Variants in TSPAN9 observed in about 807,000 individuals in gnomAD.
The protein encoded by TSPAN9 is tetraspanin-9.
In TSPAN9, 16 loss-of-function variants were observed where a neutral mutation model predicts 31.0. The ratio of observed to expected loss-of-function variants is 0.52; its 90% CI spans 0.35 to 0.78. The LOEUF (loss-of-function observed/expected upper bound fraction) is 0.78. TSPAN9 is among the 30% of genes least tolerant of loss of function. The pLI is 0.01. For missense variants in TSPAN9, 272 were observed against 312.5 expected, an observed-to-expected ratio of 0.87 and a Z score of 0.98; for synonymous variants, 145 against 121.6, an observed-to-expected ratio of 1.19 and a Z score of -1.27.
At chr12:3,079,753 T>C (rs2098296873) in intron 1 of TSPAN9, among the ~76,000 whole-genome samples, 1 of 149,828 alleles carries the variant, frequency 6.7e-6, no homozygotes. Context: ...TGAACCACCG[T>C]ACTTAGCCCC....
intron 2 of TSPAN9, among the ~76,000 whole-genome samples, chr12:3,166,616 G>A (rs1704523615): frequency 6.6e-6 from 1 of 152,190 alleles, no homozygotes; most frequent in South Asian, 2.1e-4. Flanking sequence ...ATGCAATGCA[G>A]CATTTGATGA....
At chr12:3,262,965 A>G (rs1862478077) in intron 3 of TSPAN9, among the ~76,000 whole-genome samples, 1 of 152,078 alleles carries the variant, frequency 6.6e-6, no homozygotes, top group Admixed American at 6.6e-5. Flanking sequence ...TTTGACCATG[A>G]TGTCGTCTCA....
chr12:3,109,299 T>TGTGTGTGTGAGAGAGAGA (rs1274383200), intron 2 of TSPAN9, among the ~76,000 whole-genome samples: 143 of 118,316 alleles, frequency 1.2e-3, no homozygotes, highest in African/African-American at 6.3e-3. Context: ...TGTGTGTGTG[T>TGTGTGTGTGAGAGAGAGA]GAGAGAGAGT....
At chr12:3,221,821 A>T (rs760648605) in intron 3 of TSPAN9, among the ~76,000 whole-genome samples, 152 of 152,026 alleles carry the variant, frequency 1.0e-3, no homozygotes, top group Non-Finnish European at 1.7e-3. Flanking sequence ...ACGCCCAGTG[A>T]ATTTTTAAAT....
chr12:3,134,317 TTA>T (rs1400904531), intron 2 of TSPAN9, among the ~76,000 whole-genome samples: 5 of 152,184 alleles, frequency 3.3e-5, no homozygotes, highest in African/African-American at 9.7e-5. Flanking sequence ...AGTTACACAA[TTA>T]AAGGTCACTG....
intron 2 of TSPAN9, among the ~76,000 whole-genome samples, chr12:3,121,604 C>T (rs1172092711): frequency 7.3e-6 from 1 of 136,520 alleles, no homozygotes. Context: ...TCTCAAACTC[C>T]TGAGCTCAAG....
intron 2 of TSPAN9, among the ~76,000 whole-genome samples, chr12:3,163,532 A>C (rs188774014): frequency 6.6e-6 from 1 of 152,206 alleles, no homozygotes; most frequent in South Asian, 2.1e-4. Context: ...CACTCAACAA[A>C]GTCTGCTTAA....
intron 2 of TSPAN9, among the ~76,000 whole-genome samples, chr12:3,114,300 C>G (rs2098320905): frequency 6.6e-6 from 1 of 152,128 alleles, no homozygotes. Context: ...GAATATTCTG[C>G]TTTTGATTTT....
intron 3 of TSPAN9, among the ~76,000 whole-genome samples, chr12:3,211,240 T>G (rs2098378517): frequency 6.6e-6 from 1 of 152,200 alleles, no homozygotes; most frequent in African/African-American, 2.4e-5. Flanking sequence ...TTTTCCTCCA[T>G]AGCTCCATTG....
At chr12:3,123,803 A>C (rs2098326196) in intron 2 of TSPAN9, among the ~76,000 whole-genome samples, 2 of 152,158 alleles carry the variant, frequency 1.3e-5, no homozygotes, top group Admixed American at 1.3e-4. Context: ...GAGCTTGCCC[A>C]AGGTCTCAGA....
chr12:3,188,230 A>ACATT lies in TSPAN9; in HGVS notation c.-17-12924_-17-12921dup, dbSNP rs140219018. 5.6e-3 allele frequency among the ~76,000 whole-genome samples: 845 copies of ACATT among 152,190 alleles called. 6 individuals carry two copies. The highest frequency in any genetic ancestry group is 0.031 in the South Asian group (151 of 4,826). ...CTGATGAGGAAACAGAGGCATGCTC[A>ACATT]CATTCATTCATTCATTCATTCATTC... On this transcript the variant is annotated intron_variant, in intron 2 of 8. Transcript: ENST00000011898.
At chr12:3,149,871 G>T (rs892218060) in intron 2 of TSPAN9, 2 of 152,234 alleles carry the variant, frequency 1.3e-5, no homozygotes, top group Non-Finnish European at 2.9e-5. Context: ...GCAAAGGTAG[G>T]TTTGCCCCTT....
chr12:3,089,613 T>A (rs1029348067), intron 2 of TSPAN9, among the ~76,000 whole-genome samples: 24 of 152,030 alleles, frequency 1.6e-4, no homozygotes, highest in African/African-American at 4.6e-4. Flanking sequence ...AATTTTTTTT[T>A]AAAAAGCATC....
chr12:3,186,546 TTGTG>T (rs61329208), intron 2 of TSPAN9, among the ~76,000 whole-genome samples: 24,590 of 135,828 alleles, frequency 0.18, 2,186 homozygotes, highest in Non-Finnish European at 0.23. Flanking sequence ...AGGAGTTTGT[TTGTG>T]TGTGTGTGTG....
At chr12:3,240,497 C>T (rs1037912574) in intron 3 of TSPAN9, among the ~76,000 whole-genome samples, 1 of 152,148 alleles carries the variant, frequency 6.6e-6, no homozygotes, top group African/African-American at 2.4e-5. Flanking sequence ...ATGGTGGGCT[C>T]AGAAGGGTCT....
chr12:3,137,528 A>G (rs2098332663), intron 2 of TSPAN9, among the ~76,000 whole-genome samples: 1 of 152,144 alleles, frequency 6.6e-6, no homozygotes, highest in Non-Finnish European at 1.5e-5. Context: ...TGCCAGGCCC[A>G]GATTTGGGCC....
intron 3 of TSPAN9, among the ~76,000 whole-genome samples, chr12:3,257,447 C>T (rs1176344018): frequency 6.6e-6 from 1 of 151,886 alleles, no homozygotes; most frequent in African/African-American, 2.4e-5. Flanking sequence ...ATCTGGTTCC[C>T]ATGGAGTGTC....
At chr12:3,249,341 G>T (rs1157307201) in intron 3 of TSPAN9, among the ~76,000 whole-genome samples, 2 of 152,096 alleles carry the variant, frequency 1.3e-5, no homozygotes, top group Non-Finnish European at 2.9e-5. Context: ...CTTCCTGCCC[G>T]CATGGCTCCT....
At chr12:3,241,947 G>T (rs900595823) in intron 3 of TSPAN9, among the ~76,000 whole-genome samples, 9 of 152,334 alleles carry the variant, frequency 5.9e-5, no homozygotes, top group African/African-American at 2.2e-4. Context: ...GCACACAGGG[G>T]GCCACTCGCC....
Sources: allele counts gnomAD v4.1 joint callset (sites outside exome capture counted in the v4.1 genomes callset), GRCh38; gene constraint gnomAD v4.1.1; transcripts MANE v1.5; gene names NCBI Gene and HGNC (gene_info 2026-07-23, HGNC 2026-07-21).